Variants in GSG1L observed in about 807,000 individuals in gnomAD.
The protein encoded by GSG1L is GSG1 like.
A neutral mutation model predicts 42.1 loss-of-function variants in GSG1L; 24 were observed. That is an observed-to-expected ratio of 0.57 (90% CI 0.41 to 0.80). The LOEUF (loss-of-function observed/expected upper bound fraction) is 0.80, where lower values mean the gene tolerates loss of function less well. Ranked by LOEUF, GSG1L falls within the 30% of genes least tolerant of loss-of-function variation. The probability of loss-of-function intolerance (pLI) is 0.00; values close to 1 mark genes in which losing one functional copy is unlikely to be tolerated. For missense variants in GSG1L, 445 were observed against 472.2 expected (o/e 0.94, Z 0.53); for synonymous variants, 215 against 203.5 (o/e 1.06, Z -0.48).
chr16:27,894,307 G>A (rs769226674), intron 2 of GSG1L, among the ~76,000 whole-genome samples: 40 of 152,168 alleles, frequency 2.6e-4, no homozygotes, highest in Non-Finnish European at 3.5e-4. Flanking sequence ...AGCTGTTACC[G>A]TTGTTGTTAT....
chr16:27,950,579 G>A (rs1340171841), intron 2 of GSG1L, among the ~76,000 whole-genome samples: 5 of 152,040 alleles, frequency 3.3e-5, no homozygotes, highest in Non-Finnish European at 5.9e-5. Flanking sequence ...AATGCGTCTC[G>A]AGGGATGGCT....
chr16:27,839,618 G>A (rs1444854145), intron 4 of GSG1L, among the ~76,000 whole-genome samples: 1 of 152,178 alleles, frequency 6.6e-6, no homozygotes, highest in African/African-American at 2.4e-5. Context: ...GGGTGTGGTG[G>A]GGACTGGGGT....
At chr16:28,008,241 G>A (rs568127299) in intron 1 of GSG1L, among the ~76,000 whole-genome samples, 12 of 152,004 alleles carry the variant, frequency 7.9e-5, no homozygotes, top group East Asian at 1.9e-4. Flanking sequence ...CACCACACAC[G>A]GCTAATTTTT....
intron 2 of GSG1L, among the ~76,000 whole-genome samples, chr16:27,929,161 A>C (rs1461577052): frequency 6.6e-6 from 1 of 152,204 alleles, no homozygotes; most frequent in Admixed American, 6.5e-5. Flanking sequence ...CTGCGCTAGA[A>C]GGTAAATAAA....
rs944332541 is a variant in GSG1L, at chr16:27,811,767, G to T, written c.831-4213C>A. ...GGGTTCACGCAATTCTCCTGCCTCA[G>T]CCTCCCAAGTATCTGGAATTACAGG... On this transcript the variant is annotated intron_variant, in intron 5 of 6. Transcript: ENST00000447459. 3.9e-5 allele frequency among the ~76,000 whole-genome samples: 6 copies of T among 152,310 alleles called. No individual in the cohort carries two copies. The East Asian group carries it at 1.2e-3, about 29-fold the overall frequency.
intron 3 of GSG1L, among the ~76,000 whole-genome samples, chr16:27,867,911 G>T (rs992051264): frequency 6.6e-6 from 1 of 152,194 alleles, no homozygotes; most frequent in African/African-American, 2.4e-5. Context: ...ACCTCCTTGC[G>T]TTTCTCGCGA....
intron 2 of GSG1L, among the ~76,000 whole-genome samples, chr16:27,894,526 G>A (rs1443119881): frequency 2.0e-5 from 3 of 152,332 alleles, no homozygotes; most frequent in East Asian, 3.9e-4. Context: ...ACGGCGCAGT[G>A]GCCGCTGGCT....
chr16:27,922,416 T>G (rs2084535223), intron 2 of GSG1L, among the ~76,000 whole-genome samples: 1 of 152,250 alleles, frequency 6.6e-6, no homozygotes, highest in East Asian at 1.9e-4. Context: ...ATACATTTTA[T>G]ATACTTTCTA....
At chr16:27,966,443 T>C (rs1274184290) in intron 1 of GSG1L, among the ~76,000 whole-genome samples, 1 of 152,112 alleles carries the variant, frequency 6.6e-6, no homozygotes, top group Non-Finnish European at 1.5e-5. Flanking sequence ...ATGTTGAGGC[T>C]GCAGTAAGCT....
intron 2 of GSG1L, among the ~76,000 whole-genome samples, chr16:27,917,327 G>A (rs777037824): frequency 2.6e-5 from 4 of 151,810 alleles, no homozygotes; most frequent in Admixed American, 6.6e-5. Context: ...TGAGCTGGGC[G>A]TGAGGACTCT....
intron 2 of GSG1L, among the ~76,000 whole-genome samples, chr16:27,924,841 T>G (rs998396329): frequency 6.6e-6 from 1 of 152,290 alleles, no homozygotes; most frequent in East Asian, 1.9e-4. Flanking sequence ...ATTTTGACCC[T>G]TACAGTCATA....
At chr16:27,807,985 T>A (rs971604080) in intron 5 of GSG1L, among the ~76,000 whole-genome samples, 1 of 152,266 alleles carries the variant, frequency 6.6e-6, no homozygotes, top group African/African-American at 2.4e-5. Flanking sequence ...TGATTATCCC[T>A]ACATAATGAA....
chr16:27,949,789 G>GT (rs1472001458), intron 2 of GSG1L, among the ~76,000 whole-genome samples: 6 of 152,168 alleles, frequency 3.9e-5, no homozygotes, highest in Admixed American at 2.6e-4. Flanking sequence ...GCTGGTTGCG[G>GT]TGGTGGGCGC....
intron 2 of GSG1L, among the ~76,000 whole-genome samples, chr16:27,900,727 A>T (rs556288737): frequency 3.9e-4 from 60 of 152,082 alleles, no homozygotes; most frequent in African/African-American, 1.4e-3. Context: ...AGCCTCATGG[A>T]CCCTTACTCC....
intron 1 of GSG1L, among the ~76,000 whole-genome samples, chr16:28,012,232 C>T (rs2085728911): frequency 6.6e-6 from 1 of 152,188 alleles, no homozygotes; most frequent in African/African-American, 2.4e-5. Flanking sequence ...TCACGCCCCC[C>T]TCTGCCCTCC....
chr16:28,002,430 G>A (rs947435717), intron 1 of GSG1L, among the ~76,000 whole-genome samples: 4 of 152,110 alleles, frequency 2.6e-5, no homozygotes, highest in African/African-American at 9.7e-5. Flanking sequence ...AGACTAGCCT[G>A]GGCAACGTGG....
chr16:27,989,073 G>GA (rs2085425023), intron 1 of GSG1L, among the ~76,000 whole-genome samples: 1 of 146,584 alleles, frequency 6.8e-6, no homozygotes, highest in Non-Finnish European at 1.5e-5. Context: ...AAAAAGAAAA[G>GA]AAAAAAAGAA....
At chr16:27,792,921 T>C (rs1476269314) in intron 6 of GSG1L, among the ~76,000 whole-genome samples, 8 of 152,332 alleles carry the variant, frequency 5.3e-5, no homozygotes, top group Admixed American at 5.2e-4. Flanking sequence ...TAAGGATTAG[T>C]AGATGCTTTA....
At chr16:27,970,486 C>T (rs1430001516) in intron 1 of GSG1L, among the ~76,000 whole-genome samples, 2 of 151,682 alleles carry the variant, frequency 1.3e-5, no homozygotes, top group African/African-American at 4.8e-5. Flanking sequence ...GCAGGAGAAT[C>T]GCTTGAACCC....
Sources: gnomAD v4.1 joint callset for allele counts (sites outside exome capture counted in the v4.1 genomes callset) on GRCh38, gnomAD v4.1.1 for gene constraint, MANE v1.5 for transcripts, NCBI Gene and HGNC (gene_info 2026-07-23, HGNC 2026-07-21) for gene names.